Variants in LEPR observed in about 807,000 individuals in gnomAD.
The protein encoded by LEPR is leptin receptor.
In LEPR, 56 loss-of-function variants were observed where a neutral mutation model predicts 114.7. That is an observed-to-expected ratio of 0.49 (90% CI 0.39 to 0.61). The LOEUF (loss-of-function observed/expected upper bound fraction) is 0.61, where lower values mean the gene tolerates loss of function less well. Ranked by LOEUF, LEPR falls within the 20% of genes least tolerant of loss-of-function variation. The pLI is 0.00. For missense variants in LEPR, 1,202 were observed against 1,352.9 expected (o/e 0.89, Z 1.75); for synonymous variants, 443 against 461.4 (o/e 0.96, Z 0.51).
At chr1:65,501,854 C>T (rs1285571660) in intron 2 of LEPR, among the ~76,000 whole-genome samples, 2 of 152,122 alleles carry the variant, frequency 1.3e-5, no homozygotes, top group Non-Finnish European at 2.9e-5. Context: ...TTGAATGTGA[C>T]TATATTCCCT....
chr1:65,594,439 C>A (rs1020756230), intron 6 of LEPR, among the ~76,000 whole-genome samples: 1 of 151,966 alleles, frequency 6.6e-6, no homozygotes, highest in Admixed American at 6.6e-5. Flanking sequence ...TGAGATGGTG[C>A]TGACTGGACT....
At chr1:65,615,434 C>T (rs1020548057) in intron 14 of LEPR, among the ~76,000 whole-genome samples, 2 of 152,000 alleles carry the variant, frequency 1.3e-5, no homozygotes, top group African/African-American at 4.8e-5. Flanking sequence ...TTCTGGGGTG[C>T]CATAGACACT....
chr1:65,608,774 G>A lies in LEPR; in HGVS notation c.1625G>A (p.Ser542Asn). The A allele has an allele frequency of 6.2e-7, 1 of 1,613,578 alleles. No homozygotes were observed. Among genetic ancestry groups the A allele is most frequent in the Non-Finnish European group, 8.5e-7 (1 of 1,179,760 alleles). ...CTAGTGAAGCCACTGCCTCCATCCA[G>A]TGTGAAAGCAGAAATTACTATAAAC... ...DSVVKPLPPS[S>N]VKAEITINIG... Residue 542 changes from serine (S) to asparagine (N), a missense_variant, in exon 12 of 20, where the codon AGT (serine) becomes AAT (asparagine). Ser to Asn is a conservative substitution (Grantham distance 46). Coordinates refer to ENST00000349533, the MANE Select transcript of LEPR (RefSeq NM_002303.6).
intron 2 of LEPR, among the ~76,000 whole-genome samples, chr1:65,482,813 C>T (rs1261192025): frequency 6.6e-6 from 1 of 152,020 alleles, no homozygotes; most frequent in African/African-American, 2.4e-5. Context: ...TGGTGAAACC[C>T]TGTCTCTACT....
At chr1:65,605,668 G>A (rs1222162282) in intron 11 of LEPR, among the ~76,000 whole-genome samples, 2 of 152,104 alleles carry the variant, frequency 1.3e-5, no homozygotes, top group Non-Finnish European at 2.9e-5. Flanking sequence ...GCTATGTAGG[G>A]CACAGAAGCA....
chr1:65,540,714 GA>G (rs1483757864), intron 2 of LEPR, among the ~76,000 whole-genome samples: 1 of 152,142 alleles, frequency 6.6e-6, no homozygotes, highest in African/African-American at 2.4e-5. Flanking sequence ...TAATGTTTTA[GA>G]AATTTGTTTT....
intron 14 of LEPR, among the ~76,000 whole-genome samples, chr1:65,613,324 T>C (rs572014264): frequency 1.3e-5 from 2 of 152,152 alleles, no homozygotes; most frequent in Non-Finnish European, 2.9e-5. Flanking sequence ...AGTTCGACTT[T>C]ATTAAAATTA....
At chr1:65,621,281 T>C in intron 17 of LEPR, 72 bp from the exon 18 acceptor site, 1 of 1,322,404 alleles carries the variant, frequency 7.6e-7, no homozygotes, top group Admixed American at 1.8e-5. Context: ...ATGTCTACTA[T>C]AATTTTTGAT....
intron 1 of LEPR, among the ~76,000 whole-genome samples, chr1:65,421,044 T>A (rs1448542862): frequency 6.6e-6 from 1 of 152,210 alleles, no homozygotes; most frequent in African/African-American, 2.4e-5. Flanking sequence ...CCTGAGTTTT[T>A]AAACAAGGTT....
chr1:65,559,911 T>C (rs1194006620), intron 2 of LEPR, among the ~76,000 whole-genome samples: 6 of 142,464 alleles, frequency 4.2e-5, no homozygotes, highest in Non-Finnish European at 7.8e-5. Context: ...TTGATCTATA[T>C]CTCTGTTTTG....
At chr1:65,585,401 T>A (rs1381789229) in intron 5 of LEPR, among the ~76,000 whole-genome samples, 2 of 152,044 alleles carry the variant, frequency 1.3e-5, no homozygotes, top group Non-Finnish European at 2.9e-5. Flanking sequence ...TCACATTTTC[T>A]GGGAAGAAAA....
At chr1:65,525,314 G>T (rs1418363736) in intron 2 of LEPR, among the ~76,000 whole-genome samples, 1 of 151,922 alleles carries the variant, frequency 6.6e-6, no homozygotes, top group African/African-American at 2.4e-5. Flanking sequence ...CCTATCTCAA[G>T]CCTGCGGTCA....
At chr1:65,443,064 C>T (rs1439260676) in intron 2 of LEPR, among the ~76,000 whole-genome samples, 2 of 152,162 alleles carry the variant, frequency 1.3e-5, no homozygotes, top group East Asian at 3.8e-4. Context: ...CACTTTTCAA[C>T]ATTGTGCTAG....
intron 2 of LEPR, among the ~76,000 whole-genome samples, chr1:65,545,371 G>A (rs1651611323): frequency 6.6e-6 from 1 of 152,016 alleles, no homozygotes; most frequent in Non-Finnish European, 1.5e-5. Flanking sequence ...AGATCCCTGA[G>A]GAATCGCCAC....
At chr1:65,503,376 A>G (rs1648559960) in intron 2 of LEPR, among the ~76,000 whole-genome samples, 1 of 152,178 alleles carries the variant, frequency 6.6e-6, no homozygotes, top group Admixed American at 6.6e-5. Flanking sequence ...ACAATTAACA[A>G]TGCTACAAAC....
At chr1:65,494,353 G>C (rs6702545) in intron 2 of LEPR, among the ~76,000 whole-genome samples, 1 of 151,766 alleles carries the variant, frequency 6.6e-6, no homozygotes, top group Non-Finnish European at 1.5e-5. Context: ...TTAGGGGAAA[G>C]TCATTATCTC....
intron 5 of LEPR, among the ~76,000 whole-genome samples, chr1:65,589,300 A>G (rs1207292489): frequency 6.6e-6 from 1 of 151,982 alleles, no homozygotes; most frequent in African/African-American, 2.4e-5. Context: ...TGAGTATTGT[A>G]GATACCTTAT....
chr1:65,427,054 T>C (rs971865376), intron 2 of LEPR, among the ~76,000 whole-genome samples: 5 of 151,988 alleles, frequency 3.3e-5, no homozygotes, highest in Non-Finnish European at 7.4e-5. Flanking sequence ...TGAGTTATTA[T>C]GACAGTGATG....
At chr1:65,576,299 G>A (rs1368911065) in intron 5 of LEPR, 1 of 152,904 alleles carries the variant, frequency 6.5e-6, no homozygotes, top group Non-Finnish European at 1.5e-5. Flanking sequence ...TCCACGAGTT[G>A]TGGTGGGTCT....
Sources: allele counts gnomAD v4.1 joint callset (sites outside exome capture counted in the v4.1 genomes callset), GRCh38; gene constraint gnomAD v4.1.1; transcripts MANE v1.5; gene names NCBI Gene and HGNC (gene_info 2026-07-23, HGNC 2026-07-21).